Variants in ACTR10 observed in about 807,000 individuals in gnomAD.
The protein encoded by ACTR10 is actin-related protein 10.
Under a neutral mutation model 56.2 loss-of-function variants are expected in ACTR10, and 43 were observed. The ratio of observed to expected loss-of-function variants is 0.77; its 90% CI spans 0.60 to 0.99. The LOEUF is 0.99. Ranked by LOEUF, ACTR10 falls within the 50% of genes least tolerant of loss-of-function variation. The pLI, the probability that ACTR10 is intolerant of heterozygous loss-of-function variation, is 0.00. For synonymous variants in ACTR10, 170 were observed against 176.3 expected, an observed-to-expected ratio of 0.96 and a Z score of 0.28; for missense variants, 466 against 507.8, an observed-to-expected ratio of 0.92 and a Z score of 0.79.
intron 1 of ACTR10, among the ~76,000 whole-genome samples, chr14:58,202,641 G>A (rs552541019): frequency 5.9e-5 from 9 of 151,566 alleles, no homozygotes; most frequent in African/African-American, 1.9e-4. Context: ...TCAGCATCAC[G>A]AATTTCATAG....
At chr14:58,221,398 AG>A (rs1241610590) in intron 8 of ACTR10, among the ~76,000 whole-genome samples, 1 of 152,014 alleles carries the variant, frequency 6.6e-6, no homozygotes, top group Non-Finnish European at 1.5e-5. Flanking sequence ...GTTCAAGACC[AG>A]CCTGGACAAC....
chr14:58,202,916 G>A lies in ACTR10; in HGVS notation c.139G>A (p.Gly47Arg), dbSNP rs904619524. The change falls in exon 2 of 13, where the codon GGG (glycine) becomes AGG (arginine). Residue 47 changes from glycine to arginine, a missense_variant. By Grantham distance (125) the Gly-to-Arg change is moderately radical (BLOSUM62 -2). Transcript: ENST00000254286. ...CIIPSVIKRA[G>R]MPKPVRVVQY... The stretch of plus-strand genomic sequence containing the variant: ...AATTCCTAGTGTGATAAAAAGAGCT[G>A]GGATGCCTAAGGTATTTAAAAAAAA... 2 of 1,592,872 alleles carry A rather than the reference G, an allele frequency of 1.3e-6. No homozygotes were observed. The highest frequency in any genetic ancestry group is 2.7e-5 in the African/African-American group (2 of 72,836).
At chr14:58,212,308 A>T (rs1459339398) in intron 5 of ACTR10, among the ~76,000 whole-genome samples, 1 of 152,234 alleles carries the variant, frequency 6.6e-6, no homozygotes, top group Non-Finnish European at 1.5e-5. Context: ...TAATAATTCA[A>T]GCTGTCCCAA....
At chr14:58,210,908 C>T (rs1391415074) in intron 4 of ACTR10, among the ~76,000 whole-genome samples, 1 of 152,124 alleles carries the variant, frequency 6.6e-6, no homozygotes, top group Non-Finnish European at 1.5e-5. Context: ...CTCCTGACCT[C>T]GGGTGATCCG....
chr14:58,232,783 T>C (rs1889576915), intron 12 of ACTR10, among the ~76,000 whole-genome samples: 2 of 152,256 alleles, frequency 1.3e-5, no homozygotes, highest in East Asian at 1.9e-4. Context: ...CACCGTGATA[T>C]TAAGTAAACG....
intron 2 of ACTR10, among the ~76,000 whole-genome samples, chr14:58,203,978 T>A (rs955515499): frequency 1.3e-5 from 2 of 152,140 alleles, no homozygotes; most frequent in African/African-American, 4.8e-5. Flanking sequence ...ATAAAACCTG[T>A]GTAACTTTGT....
intron 2 of ACTR10, among the ~76,000 whole-genome samples, chr14:58,206,819 A>G (rs1361093111): frequency 6.6e-6 from 1 of 152,172 alleles, no homozygotes; most frequent in South Asian, 2.1e-4. Context: ...GAACTGTATT[A>G]TTTGAAGAAA....
chr14:58,211,479 T>G (rs1297567379), intron 5 of ACTR10, 80 bp downstream of exon 5: 3 of 1,022,192 alleles, frequency 2.9e-6, no homozygotes, highest in Non-Finnish European at 4.6e-6. Flanking sequence ...ATAAATGATT[T>G]GTATTGTACT....
intron 12 of ACTR10, among the ~76,000 whole-genome samples, chr14:58,232,877 T>C (rs541391093): frequency 6.6e-6 from 1 of 151,646 alleles, no homozygotes; most frequent in African/African-American, 2.4e-5. Flanking sequence ...TCTTTCTTTT[T>C]TTTTTTTTTT....
chr14:58,228,398 C>T (rs972848527), intron 10 of ACTR10, among the ~76,000 whole-genome samples: 2 of 152,062 alleles, frequency 1.3e-5, no homozygotes, highest in Non-Finnish European at 2.9e-5. Context: ...GCGGGCAGAT[C>T]GCTTGAGGCC....
intron 7 of ACTR10, among the ~76,000 whole-genome samples, chr14:58,218,372 C>T (rs899983994): frequency 6.6e-6 from 1 of 152,078 alleles, no homozygotes; most frequent in Non-Finnish European, 1.5e-5. Context: ...ACTGGCCCCA[C>T]AGGTAAAATA....
intron 2 of ACTR10, among the ~76,000 whole-genome samples, chr14:58,205,271 C>A (rs184626437): frequency 2.3e-4 from 34 of 150,862 alleles, no homozygotes; most frequent in Admixed American, 1.4e-3. Context: ...GCAGAATAGA[C>A]GAGACCAGCA....
intron 10 of ACTR10, among the ~76,000 whole-genome samples, chr14:58,228,465 A>G (rs1889452507): frequency 6.6e-6 from 1 of 152,036 alleles, no homozygotes; most frequent in Non-Finnish European, 1.5e-5. Context: ...CTGAAAATAT[A>G]CAAAAAATTA....
At chr14:58,203,285 A>G (rs564512270) in intron 2 of ACTR10, among the ~76,000 whole-genome samples, 50 of 143,900 alleles carry the variant, frequency 3.5e-4, no homozygotes, top group African/African-American at 1.2e-3. Flanking sequence ...CTGGGGGGCA[A>G]GAGCAAGACT....
intron 7 of ACTR10, among the ~76,000 whole-genome samples, chr14:58,217,022 A>T (rs980299494): frequency 4.6e-5 from 7 of 152,128 alleles, no homozygotes; most frequent in Non-Finnish European, 7.4e-5. Context: ...ATTGATAGTT[A>T]AGTTAATAGC....
chr14:58,200,613 G>A (rs768650004), intron 1 of ACTR10, among the ~76,000 whole-genome samples: 2 of 152,072 alleles, frequency 1.3e-5, no homozygotes, highest in Non-Finnish European at 2.9e-5. Context: ...CCTAGACCCC[G>A]CTTACCCTGG....
intron 10 of ACTR10, among the ~76,000 whole-genome samples, chr14:58,226,772 G>A (rs1380681983): frequency 6.6e-6 from 1 of 151,976 alleles, no homozygotes; most frequent in Non-Finnish European, 1.5e-5. Flanking sequence ...GCTAATTTTT[G>A]TATTTTTAGT....
chr14:58,225,709 C>A (rs1889380352), intron 10 of ACTR10, among the ~76,000 whole-genome samples: 1 of 150,676 alleles, frequency 6.6e-6, no homozygotes, highest in Non-Finnish European at 1.5e-5. Context: ...GTAGTTCACA[C>A]TTCTTTTTTT....
intron 2 of ACTR10, among the ~76,000 whole-genome samples, chr14:58,205,304 C>T (rs1201730063): frequency 6.7e-6 from 1 of 150,026 alleles, no homozygotes; most frequent in Non-Finnish European, 1.5e-5. Context: ...CATTTACATA[C>T]ATCAGAAATC....
Sources: allele counts gnomAD v4.1 joint callset (sites outside exome capture counted in the v4.1 genomes callset), GRCh38; gene constraint gnomAD v4.1.1; transcripts MANE v1.5; gene names NCBI Gene and HGNC (gene_info 2026-07-23, HGNC 2026-07-21).